The following C9orf85 variants were observed in gnomAD, a reference collection of about 807,000 sequenced individuals.
C9orf85 encodes the protein chromosome 9 open reading frame 85, also known as uncharacterized protein C9orf85.
Under a neutral mutation model 14.9 loss-of-function variants are expected in C9orf85, and 16 were observed. That is an observed-to-expected ratio of 1.08 (90% CI 0.73 to 1.63). C9orf85 has a LOEUF of 1.63. Ranked by LOEUF, C9orf85 falls within the 40% of genes most tolerant of loss-of-function variation. C9orf85 has a pLI of 0.00. For missense variants in C9orf85, 172 were observed against 186.1 expected (o/e 0.92, Z 0.44); for synonymous variants, 45 against 56.8 (o/e 0.79, Z 0.93).
intron 1 of C9orf85, among the ~76,000 whole-genome samples, chr9:71,921,218 A>G (rs1827795098): frequency 6.6e-6 from 1 of 152,148 alleles, no homozygotes; most frequent in Admixed American, 6.5e-5. Flanking sequence ...GTGGGGGGAA[A>G]TTTGCATTCT....
At chr9:71,975,721 A>C (rs1354792828), downstream of C9orf85, among the ~76,000 whole-genome samples, 13 of 152,134 alleles carry the variant, frequency 8.5e-5, no homozygotes, top group Admixed American at 8.5e-4. Context: ...AATCCCAGCT[A>C]GTCCGGAGGC....
intron 2 of C9orf85, among the ~76,000 whole-genome samples, chr9:71,962,523 C>T (rs750262220): frequency 6.6e-6 from 1 of 152,126 alleles, no homozygotes; most frequent in Non-Finnish European, 1.5e-5. Flanking sequence ...AAAAGTACCT[C>T]GTCATCACAT....
At chr9:71,935,629 A>AC (rs1227573277) in intron 1 of C9orf85, among the ~76,000 whole-genome samples, 7 of 145,156 alleles carry the variant, frequency 4.8e-5, no homozygotes, top group South Asian at 2.2e-4. Flanking sequence ...CTGCCCCCCG[A>AC]CCCAAAAAAA....
chr9:71,921,533 G>A (rs544257966), intron 1 of C9orf85, among the ~76,000 whole-genome samples: 157 of 152,298 alleles, frequency 1.0e-3, no homozygotes, highest in African/African-American at 3.6e-3. Flanking sequence ...AAACCAATGT[G>A]TACCTTACAT....
chr9:71,963,277 C>T (rs1055280093), intron 2 of C9orf85, among the ~76,000 whole-genome samples: 3 of 152,096 alleles, frequency 2.0e-5, no homozygotes, highest in Non-Finnish European at 2.9e-5. Flanking sequence ...ACATTGTTAC[C>T]GGGGGATCCT....
chr9:71,940,535 G>T (rs1286664547), intron 1 of C9orf85, among the ~76,000 whole-genome samples: 1 of 152,136 alleles, frequency 6.6e-6, no homozygotes, highest in Non-Finnish European at 1.5e-5. Flanking sequence ...AAATCGTAAT[G>T]AAATAATACT....
intron 2 of C9orf85, among the ~76,000 whole-genome samples, chr9:71,959,801 C>T (rs1440648471): frequency 6.6e-6 from 1 of 152,150 alleles, no homozygotes; most frequent in Non-Finnish European, 1.5e-5. Flanking sequence ...ACAAAATTGT[C>T]TCTAGGAACA....
downstream of C9orf85, among the ~76,000 whole-genome samples, chr9:71,974,249 C>CA (rs1554709978): frequency 2.1e-3 from 289 of 139,744 alleles, 1 homozygote; most frequent in African/African-American, 7.5e-3. Context: ...TTTTATTTTA[C>CA]TTTTTTTTTT....
chr9:71,935,912 A>AG (rs1828177834), intron 1 of C9orf85, among the ~76,000 whole-genome samples: 2 of 151,948 alleles, frequency 1.3e-5, no homozygotes, highest in African/African-American at 4.8e-5. Flanking sequence ...GGAGAAACAG[A>AG]AAAAAAATAA....
intron 2 of C9orf85, among the ~76,000 whole-genome samples, chr9:71,954,374 C>T (rs955286086): frequency 6.6e-6 from 1 of 152,092 alleles, no homozygotes. Flanking sequence ...GGTTATGTTA[C>T]AGGACAGGGG....
chr9:71,936,181 G>A (rs925664361), intron 1 of C9orf85, among the ~76,000 whole-genome samples: 1 of 152,098 alleles, frequency 6.6e-6, no homozygotes, highest in Non-Finnish European at 1.5e-5. Context: ...AAGGATTTCT[G>A]TGAGGAGAAA....
chr9:71,959,215 G>A (rs1472127041), intron 2 of C9orf85, among the ~76,000 whole-genome samples: 1 of 150,810 alleles, frequency 6.6e-6, no homozygotes, highest in Non-Finnish European at 1.5e-5. Context: ...TCGGCTCACT[G>A]CAACCTCTGC....
Position 71,911,720 on chromosome 9 carries a change from G to A in C9orf85, c.-15G>A. ...TTTTGCCTGCTCCCGGCGAGGGGTG[G>A]CTTTGATTTCGGCGATGAGCTCCCA... On this transcript the variant is annotated 5_prime_UTR_variant, in exon 1 of 4. Transcript: ENST00000334731. The A allele has an allele frequency of 6.2e-7, 1 of 1,612,634 alleles. No homozygotes were observed. The highest frequency in any genetic ancestry group is 2.2e-5 in the East Asian group (1 of 44,876).
intron 2 of C9orf85, among the ~76,000 whole-genome samples, chr9:71,965,770 T>A (rs1440772693): frequency 6.6e-6 from 1 of 152,200 alleles, no homozygotes; most frequent in African/African-American, 2.4e-5. Context: ...GTTTCCTTTA[T>A]CAAGAAACAT....
At chr9:71,915,188 T>A (rs866383357) in intron 1 of C9orf85, among the ~76,000 whole-genome samples, 3,715 of 148,836 alleles carry the variant, frequency 0.025, 71 homozygotes, top group South Asian at 0.059. Context: ...TTATTATTTT[T>A]TTTTTTTTTT....
intron 2 of C9orf85, among the ~76,000 whole-genome samples, chr9:71,958,592 A>G (rs1166750995): frequency 6.6e-6 from 1 of 152,072 alleles, no homozygotes; most frequent in Non-Finnish European, 1.5e-5. Flanking sequence ...CTGAAAATAT[A>G]TTTCTTTGAT....
chr9:71,952,643 A>G (rs947489130), intron 2 of C9orf85, among the ~76,000 whole-genome samples: 12 of 152,250 alleles, frequency 7.9e-5, no homozygotes, highest in East Asian at 7.7e-4. Flanking sequence ...GATTACAGGC[A>G]TGAGCCACCA....
At chr9:71,936,816 T>C (rs1289772955) in intron 1 of C9orf85, among the ~76,000 whole-genome samples, 3 of 146,260 alleles carry the variant, frequency 2.1e-5, no homozygotes. Flanking sequence ...CTGTCACCAG[T>C]GGTATGATCA....
In C9orf85 at chr9:71,972,920, G is replaced by A. The variant is rs374337388; in HGVS notation, c.*78G>A. The A allele has an allele frequency of 7.3e-4, 891 of 1,224,360 alleles. 6 individuals carry two copies. The African/African-American group carries it at 0.012, about 17-fold the overall frequency. 75.8% of individuals were successfully genotyped at this position (1,224,360 alleles called of 1,614,324 possible). A position where few individuals can be genotyped will look rare whatever the true frequency, so the allele number is the denominator to read the frequency against. On this transcript the variant is annotated 3_prime_UTR_variant, in exon 4 of 4. Transcript: ENST00000334731. Reference sequence around the variant, plus strand: ...ACACTTTGGGAGGCCAAGGAGGGTGGATCACCTGAGGTCAGGAGTTCGAGA... The same window carrying A: ...ACACTTTGGGAGGCCAAGGAGGGTGAATCACCTGAGGTCAGGAGTTCGAGA...
Sources: gnomAD v4.1 joint callset for allele counts (sites outside exome capture counted in the v4.1 genomes callset) on GRCh38, gnomAD v4.1.1 for gene constraint, MANE v1.5 for transcripts, NCBI Gene and HGNC (gene_info 2026-07-23, HGNC 2026-07-21) for gene names.